Variants in WWOX observed in about 807,000 individuals in gnomAD.
WWOX encodes the protein WW domain-containing oxidoreductase.
Under a neutral mutation model 46.2 loss-of-function variants are expected in WWOX, and 69 were observed. That is an observed-to-expected ratio of 1.49 (90% CI 1.23 to 1.82). The LOEUF (loss-of-function observed/expected upper bound fraction) is 1.82, where lower values mean the gene tolerates loss of function less well. Ranked by LOEUF, WWOX falls within the 40% of genes most tolerant of loss-of-function variation. The probability of loss-of-function intolerance (pLI) is 0.00; values close to 1 mark genes in which losing one functional copy is unlikely to be tolerated. For synonymous variants in WWOX, 359 were observed against 202.6 expected, an observed-to-expected ratio of 1.77 and a Z score of -6.56; for missense variants, 919 against 542.6, an observed-to-expected ratio of 1.69 and a Z score of -6.89.
At chr16:78,231,378 A>G (rs933078876) in intron 5 of WWOX, among the ~76,000 whole-genome samples, 5 of 152,200 alleles carry the variant, frequency 3.3e-5, no homozygotes, top group African/African-American at 9.7e-5. Flanking sequence ...AAATTAATCA[A>G]CTTGCAGCTG....
chr16:78,854,004 A>T (rs1355238785), intron 8 of WWOX, among the ~76,000 whole-genome samples: 1 of 152,244 alleles, frequency 6.6e-6, no homozygotes, highest in African/African-American at 2.4e-5. Flanking sequence ...AGAGGAAATG[A>T]AAAATAAAAT....
chr16:79,034,810 C>A (rs62040106), intron 8 of WWOX, among the ~76,000 whole-genome samples: 1 of 152,018 alleles, frequency 6.6e-6, no homozygotes, highest in African/African-American at 2.4e-5. Context: ...CATTGTATCA[C>A]GAAACATACC....
chr16:78,222,541 G>A (rs578204544), intron 5 of WWOX, among the ~76,000 whole-genome samples: 2 of 152,190 alleles, frequency 1.3e-5, no homozygotes, highest in Non-Finnish European at 2.9e-5. Flanking sequence ...CCGAGACATC[G>A]GGGTACCTGT....
chr16:79,184,265 C>T (rs1194971428), intron 8 of WWOX, among the ~76,000 whole-genome samples: 1 of 152,184 alleles, frequency 6.6e-6, no homozygotes, highest in Non-Finnish European at 1.5e-5. Flanking sequence ...GTAGAGTCCA[C>T]ACAGAAGAGT....
chr16:79,110,602 A>G (rs1232683935), intron 8 of WWOX: 4 of 152,216 alleles, frequency 2.6e-5, no homozygotes, highest in South Asian at 4.2e-4. Flanking sequence ...TCCACCTCCA[A>G]CACACACTCC....
At chr16:78,347,738 G>T (rs1362112046) in intron 5 of WWOX, among the ~76,000 whole-genome samples, 1 of 122,050 alleles carries the variant, frequency 8.2e-6, no homozygotes, top group Non-Finnish European at 2.0e-5. Flanking sequence ...CTATTCATGA[G>T]ACTGCTAAAT....
intron 8 of WWOX, among the ~76,000 whole-genome samples, chr16:79,155,365 ACT>A (rs1428581107): frequency 2.0e-5 from 3 of 151,932 alleles, no homozygotes; most frequent in Admixed American, 6.6e-5. Flanking sequence ...ACAGAGGGAG[ACT>A]CTGTTTCAAC....
intron 8 of WWOX, among the ~76,000 whole-genome samples, chr16:78,963,177 A>G (rs182870234): frequency 2.0e-5 from 3 of 152,212 alleles, no homozygotes; most frequent in Non-Finnish European, 2.9e-5. Flanking sequence ...TCATTTCAAA[A>G]TAAGTTGTAG....
chr16:79,046,806 C>T (rs2048074066), intron 8 of WWOX, among the ~76,000 whole-genome samples: 1 of 152,156 alleles, frequency 6.6e-6, no homozygotes, highest in Non-Finnish European at 1.5e-5. Context: ...GTCCCCCAGG[C>T]CTGCACTACA....
intron 8 of WWOX, among the ~76,000 whole-genome samples, chr16:78,665,470 T>C (rs2047308947): frequency 6.6e-6 from 1 of 152,174 alleles, no homozygotes; most frequent in African/African-American, 2.4e-5. Context: ...TGACATGTGA[T>C]TTGCTGTGGC....
rs555415179 is a variant in WWOX, at chr16:78,325,268, C to A, written c.517-61592C>A. ...ATTTTAAATATGTTGCCTCTGATCACAGGTGTTGTTAAAACAGCTCTTTTA... is the reference window on the plus strand; with the variant it reads ...ATTTTAAATATGTTGCCTCTGATCAAAGGTGTTGTTAAAACAGCTCTTTTA... On this transcript the variant is annotated intron_variant, in intron 5 of 8. Transcript: ENST00000566780. Among the ~76,000 whole-genome samples, 11 of 152,330 alleles carry A rather than the reference C, an allele frequency of 7.2e-5. No homozygotes were observed. In the South Asian group the frequency reaches 2.1e-3, roughly 29 times the overall value.
chr16:79,052,609 G>A (rs1258684490), intron 8 of WWOX, among the ~76,000 whole-genome samples: 1 of 152,220 alleles, frequency 6.6e-6, no homozygotes, highest in African/African-American at 2.4e-5. Context: ...TTGCTAGCCA[G>A]TCGGAACAAA....
intron 8 of WWOX, among the ~76,000 whole-genome samples, chr16:78,452,304 T>A (rs919612292): frequency 1.3e-5 from 2 of 152,172 alleles, no homozygotes; most frequent in African/African-American, 4.8e-5. Flanking sequence ...TTTTTCAATT[T>A]TTTTTTACTG....
intron 5 of WWOX, among the ~76,000 whole-genome samples, chr16:78,253,576 A>T (rs1296642227): frequency 6.6e-6 from 1 of 152,224 alleles, no homozygotes; most frequent in Non-Finnish European, 1.5e-5. Flanking sequence ...CCGTCTTCTC[A>T]TGACCCATGA....
At chr16:78,414,473 G>A (rs1024383775) in intron 6 of WWOX, among the ~76,000 whole-genome samples, 5 of 152,172 alleles carry the variant, frequency 3.3e-5, no homozygotes, top group African/African-American at 1.2e-4. Flanking sequence ...GGAGGTTGAG[G>A]CACGAGGATC....
chr16:78,315,294 C>G (rs1464557199), intron 5 of WWOX, among the ~76,000 whole-genome samples: 1 of 151,776 alleles, frequency 6.6e-6, no homozygotes, highest in African/African-American at 2.4e-5. Flanking sequence ...GTTTTTTTTC[C>G]TTGTAAAAGC....
chr16:78,706,382 C>T (rs1054813946), intron 8 of WWOX, among the ~76,000 whole-genome samples: 1 of 152,152 alleles, frequency 6.6e-6, no homozygotes, highest in African/African-American at 2.4e-5. Flanking sequence ...TAGATGCCTT[C>T]TCCAGGAATC....
At chr16:79,065,706 G>A (rs1004498885) in intron 8 of WWOX, among the ~76,000 whole-genome samples, 20 of 152,172 alleles carry the variant, frequency 1.3e-4, no homozygotes, top group Admixed American at 9.2e-4. Flanking sequence ...CTTTACAAAG[G>A]TGGTTTCATT....
intron 5 of WWOX, among the ~76,000 whole-genome samples, chr16:78,318,967 T>C (rs1268139131): frequency 6.6e-6 from 1 of 152,188 alleles, no homozygotes; most frequent in African/African-American, 2.4e-5. Flanking sequence ...CTTTGTTACA[T>C]GGAAGAGGAA....
Sources: gnomAD v4.1 joint callset for allele counts (sites outside exome capture counted in the v4.1 genomes callset) on GRCh38, gnomAD v4.1.1 for gene constraint, MANE v1.5 for transcripts, NCBI Gene and HGNC (gene_info 2026-07-23, HGNC 2026-07-21) for gene names.